The following ARFIP1 variants were observed in gnomAD, a reference collection of about 807,000 sequenced individuals.
ARFIP1 encodes arfaptin-1.
In ARFIP1, 24 loss-of-function variants were observed where a neutral mutation model predicts 42.5. The observed-to-expected ratio is 0.57, with a 90% CI of 0.41 to 0.80. The LOEUF (loss-of-function observed/expected upper bound fraction) is 0.80, where lower values mean the gene tolerates loss of function less well. ARFIP1 is among the 30% of genes least tolerant of loss of function. The pLI, the probability that ARFIP1 is intolerant of heterozygous loss-of-function variation, is 0.00. For missense variants in ARFIP1, 354 were observed against 434.0 expected, an observed-to-expected ratio of 0.82 and a Z score of 1.64; for synonymous variants, 141 against 153.7, an observed-to-expected ratio of 0.92 and a Z score of 0.61.
At chr4:152,804,101 T>C (rs28672904) in intron 1 of ARFIP1, among the ~76,000 whole-genome samples, 4 of 115,390 alleles carry the variant, frequency 3.5e-5, no homozygotes, top group Non-Finnish European at 5.1e-5. Context: ...TAATATATAT[T>C]ATATATAATA....
chr4:152,877,018 G>A (rs1462979623), intron 5 of ARFIP1, among the ~76,000 whole-genome samples: 1 of 152,324 alleles, frequency 6.6e-6, no homozygotes, highest in South Asian at 2.1e-4. Flanking sequence ...TGCTACAGGG[G>A]TGGGGCCCTC....
intron 5 of ARFIP1, among the ~76,000 whole-genome samples, chr4:152,879,715 G>C: frequency 6.6e-6 from 1 of 152,110 alleles, no homozygotes; most frequent in East Asian, 1.9e-4. Flanking sequence ...CACGTGTGGT[G>C]TCGCATGCCT....
intron 1 of ARFIP1, among the ~76,000 whole-genome samples, chr4:152,783,666 G>C (rs936838981): frequency 6.6e-6 from 1 of 152,180 alleles, no homozygotes; most frequent in African/African-American, 2.4e-5. Flanking sequence ...AAATGAGTTG[G>C]AGATATATCA....
chr4:152,838,954 C>T (rs1019247831), intron 2 of ARFIP1, among the ~76,000 whole-genome samples: 1 of 152,068 alleles, frequency 6.6e-6, no homozygotes, highest in African/African-American at 2.4e-5. Context: ...AGGTATGTCC[C>T]TTGTATGCTG....
At chr4:152,850,909 A>G (rs1390438985) in intron 2 of ARFIP1, among the ~76,000 whole-genome samples, 2 of 152,184 alleles carry the variant, frequency 1.3e-5, no homozygotes, top group Non-Finnish European at 2.9e-5. Flanking sequence ...AGAACTGGGG[A>G]TGTGGAGGCT....
intron 2 of ARFIP1, among the ~76,000 whole-genome samples, chr4:152,853,435 A>G (rs1281854749): frequency 6.6e-6 from 1 of 152,170 alleles, no homozygotes; most frequent in Non-Finnish European, 1.5e-5. Flanking sequence ...TGTTGGATAT[A>G]GTATCCTTGG....
intron 8 of ARFIP1, among the ~76,000 whole-genome samples, chr4:152,890,457 G>A (rs533021518): frequency 6.6e-6 from 1 of 152,234 alleles, no homozygotes; most frequent in South Asian, 2.1e-4. Flanking sequence ...CATTTAGAAA[G>A]TCTCTTTCTT....
At position 152,814,281 on chromosome 4, in the gene ARFIP1, A is replaced by G. The variant is rs187383297; in HGVS notation, c.-9-15344A>G. ...AATGTTTTTTGTATTTTTTGTAGAG[A>G]CGGGGTTTTGTCGTATTGCCCAGGC... On this transcript the variant is annotated intron_variant, in intron 1 of 8. Transcript: ENST00000353617. 2.7e-3 allele frequency among the ~76,000 whole-genome samples: 408 copies of G among 151,452 alleles called. 1 individual carries two copies. The highest frequency in any genetic ancestry group is 4.7e-3 in the Non-Finnish European group (318 of 67,786).
At chr4:152,793,895 T>C (rs568513983) in intron 1 of ARFIP1, among the ~76,000 whole-genome samples, 5 of 152,300 alleles carry the variant, frequency 3.3e-5, no homozygotes, top group Non-Finnish European at 7.4e-5. Context: ...TTTTTCCATG[T>C]TACTCTTCAC....
chr4:152,805,377 A>T (rs978361478), intron 1 of ARFIP1, among the ~76,000 whole-genome samples: 30 of 152,350 alleles, frequency 2.0e-4, no homozygotes, highest in South Asian at 1.7e-3. Context: ...CCAGGCCCAC[A>T]TATCTAGGAA....
chr4:152,866,543 G>T (rs1250253546), intron 3 of ARFIP1, among the ~76,000 whole-genome samples: 1 of 104,876 alleles, frequency 9.5e-6, no homozygotes, highest in African/African-American at 4.0e-5. Context: ...GCCGCGCGGG[G>T]GCTGACCCCC....
Position 152,863,678 on chromosome 4 carries a change from ACCAAAGAGG to A in ARFIP1, c.167_175del (p.Thr56_Gly59delinsSer), listed in dbSNP as rs1734074072. 3 of 1,610,396 alleles carry A rather than the reference ACCAAAGAGG, an allele frequency of 1.9e-6. No individual in the cohort carries two copies. Among genetic ancestry groups the A allele is most frequent in the Non-Finnish European group, 2.5e-6 (3 of 1,177,074 alleles). Reference sequence around the variant, plus strand: ...AATTACATCTCATGGCTTTGACAATACCAAAGAGGGTGTTATTGAAGCAGGAGCATTTCA... The same window carrying A: ...AATTACATCTCATGGCTTTGACAATAGTGTTATTGAAGCAGGAGCATTTCA... On this transcript the variant is annotated inframe_deletion, in exon 3 of 9. Coordinates refer to ENST00000353617, the MANE Select transcript of ARFIP1 (RefSeq NM_001025595.3).
intron 1 of ARFIP1, among the ~76,000 whole-genome samples, chr4:152,783,064 A>G (rs1578787545): frequency 1.3e-5 from 2 of 152,282 alleles, no homozygotes; most frequent in East Asian, 3.9e-4. Flanking sequence ...TGTAATCCCA[A>G]CACTTTGGGA....
Position 152,824,837 on chromosome 4 carries a change from T to TA in ARFIP1, c.-9-4785dup, listed in dbSNP as rs1730688738. Among the ~76,000 whole-genome samples the TA allele has an allele frequency of 2.6e-5, 4 of 152,256 alleles. No homozygotes were observed. In the South Asian group the frequency reaches 8.3e-4, roughly 32 times the overall value. ...TCCTCAATCAGATAAATGAATTGAATAAAGTCTCAGTATACAAAATCAGTG... is the reference window on the plus strand; with the variant it reads ...TCCTCAATCAGATAAATGAATTGAATAAAAGTCTCAGTATACAAAATCAGTG... On this transcript the variant is annotated intron_variant, in intron 1 of 8. Coordinates refer to ENST00000353617, the MANE Select transcript of ARFIP1 (RefSeq NM_001025595.3).
chr4:152,838,195 A>G (rs1731801508), intron 2 of ARFIP1, among the ~76,000 whole-genome samples: 1 of 152,096 alleles, frequency 6.6e-6, no homozygotes, highest in Non-Finnish European at 1.5e-5. Context: ...ATAGTTTGAA[A>G]TCAGGTAATG....
chr4:152,829,513 A>G, intron 1 of ARFIP1, 112 bp from the exon 2 acceptor site: 1 of 597,578 alleles, frequency 1.7e-6, no homozygotes. Flanking sequence ...AGTATTTGGT[A>G]GGTTGCAATG....
intron 8 of ARFIP1, among the ~76,000 whole-genome samples, chr4:152,899,320 A>G (rs931608366): frequency 6.6e-6 from 1 of 152,232 alleles, no homozygotes; most frequent in East Asian, 1.9e-4. Context: ...TCTATTCCCT[A>G]TGACCTTGCA....
At chr4:152,854,894 C>G (rs1733297329) in intron 2 of ARFIP1, among the ~76,000 whole-genome samples, 1 of 152,212 alleles carries the variant, frequency 6.6e-6, no homozygotes, top group Non-Finnish European at 1.5e-5. Context: ...TATATGCCGG[C>G]ACCAGTGTTA....
At chr4:152,837,719 T>A (rs1187854050) in intron 2 of ARFIP1, among the ~76,000 whole-genome samples, 4 of 152,246 alleles carry the variant, frequency 2.6e-5, no homozygotes, top group African/African-American at 9.6e-5. Flanking sequence ...TTTGTCCCAC[T>A]CTGTGGGTTG....
Sources: allele counts gnomAD v4.1 joint callset (sites outside exome capture counted in the v4.1 genomes callset), GRCh38; gene constraint gnomAD v4.1.1; transcripts MANE v1.5; gene names NCBI Gene and HGNC (gene_info 2026-07-23, HGNC 2026-07-21).